Variants in NFIB observed in about 807,000 individuals in gnomAD.
The protein encoded by NFIB is nuclear factor I B.
NFIB carries 11 observed loss-of-function variants against 61.5 expected under a neutral mutation model. That is an observed-to-expected ratio of 0.18 (90% CI 0.11 to 0.30). The LOEUF (loss-of-function observed/expected upper bound fraction) is 0.30. NFIB is among the 10% of genes least tolerant of loss of function. The probability of loss-of-function intolerance (pLI) is 1.00; values close to 1 mark genes in which losing one functional copy is unlikely to be tolerated. For missense variants in NFIB, 471 were observed against 608.9 expected (o/e 0.77, Z 2.38); for synonymous variants, 260 against 216.5 (o/e 1.20, Z -1.76).
At chr9:14,178,947 G>A (rs1295162594) in intron 3 of NFIB, among the ~76,000 whole-genome samples, 1 of 151,894 alleles carries the variant, frequency 6.6e-6, no homozygotes, top group African/African-American at 2.4e-5. Flanking sequence ...GCTGGTTCGG[G>A]GTTTTTGTGT....
chr9:14,530,726 C>G, the NFIB span, among the ~76,000 whole-genome samples: 1 of 152,158 alleles, frequency 6.6e-6, no homozygotes, highest in South Asian at 2.1e-4. Flanking sequence ...TCCTTCTGTC[C>G]GGGCACAGTG....
the NFIB span, among the ~76,000 whole-genome samples, chr9:14,414,897 T>A: frequency 3.3e-4 from 51 of 152,326 alleles, 2 homozygotes; most frequent in African/African-American, 1.2e-3. Context: ...CCACACACTG[T>A]CAGATAAGCC....
At chr9:14,521,795 T>C in the NFIB span, among the ~76,000 whole-genome samples, 3 of 152,184 alleles carry the variant, frequency 2.0e-5, no homozygotes, top group Non-Finnish European at 2.9e-5. Flanking sequence ...TGCCCAGAGA[T>C]TGAGGTGCTA....
chr9:14,286,473 G>A (rs1399186826), intron 2 of NFIB, among the ~76,000 whole-genome samples: 1 of 152,144 alleles, frequency 6.6e-6, no homozygotes, highest in Non-Finnish European at 1.5e-5. Flanking sequence ...GTCATACAGA[G>A]AAAATTATAC....
chr9:14,187,027 A>ATATGTGTGTGTG (rs1491093222), intron 2 of NFIB, among the ~76,000 whole-genome samples: 56 of 61,034 alleles, frequency 9.2e-4, no homozygotes, highest in African/African-American at 2.1e-3. Flanking sequence ...GTGTGTGTGT[A>ATATGTGTGTGTG]TGTGTGTGTG....
chr9:14,503,253 T>C, the NFIB span, among the ~76,000 whole-genome samples: 1 of 152,042 alleles, frequency 6.6e-6, no homozygotes, highest in African/African-American at 2.4e-5. Context: ...TATAAACATG[T>C]GTGTGCAAGT....
chr9:14,476,169 G>GA, the NFIB span, among the ~76,000 whole-genome samples: 2 of 150,302 alleles, frequency 1.3e-5, no homozygotes, highest in African/African-American at 4.9e-5. Flanking sequence ...AGTTCAAAAG[G>GA]AAAAATATTT....
chr9:14,179,873 T>C (rs2046572023), intron 2 of NFIB, 93 bp from the exon 3 acceptor site: 7 of 1,307,320 alleles, frequency 5.4e-6, no homozygotes, highest in Non-Finnish European at 7.4e-6. Flanking sequence ...TTTGAAGGTA[T>C]AAAAATGAAG....
the NFIB span, among the ~76,000 whole-genome samples, chr9:14,521,387 G>A: frequency 3.3e-5 from 5 of 152,096 alleles, no homozygotes; most frequent in African/African-American, 9.7e-5. Flanking sequence ...TAATCATGGT[G>A]TTATGGGAAG....
intron 6 of NFIB, among the ~76,000 whole-genome samples, chr9:14,126,741 A>T (rs1384652833): frequency 1.3e-5 from 2 of 152,220 alleles, no homozygotes; most frequent in African/African-American, 4.8e-5. Flanking sequence ...GCAAAACATG[A>T]TCACAATGAC....
At chr9:14,482,536 G>GT in the NFIB span, among the ~76,000 whole-genome samples, 1 of 152,192 alleles carries the variant, frequency 6.6e-6, no homozygotes, top group Non-Finnish European at 1.5e-5. Context: ...CACATAGAAC[G>GT]TAAGTAAAGA....
At chr9:14,174,493 T>C (rs1472887871) in intron 3 of NFIB, among the ~76,000 whole-genome samples, 5 of 152,000 alleles carry the variant, frequency 3.3e-5, no homozygotes, top group African/African-American at 7.3e-5. Context: ...TGAGGCCGGG[T>C]GCGGTGGCTC....
chr9:14,216,546 CTGTGTGTGTGTGTGTGTG>C lies in NFIB; in HGVS notation c.563-36784_563-36767del, dbSNP rs372536644. Among the ~76,000 whole-genome samples, 10 of 21,514 alleles carry C rather than the reference CTGTGTGTGTGTGTGTGTG, an allele frequency of 4.6e-4. 1 individual carries two copies. Among genetic ancestry groups the C allele is most frequent in the African/African-American group, 2.5e-3 (10 of 4,060 alleles). The allele number at this position is 21,514 out of a possible 152,430, so 14.1% of individuals were successfully genotyped here. The stretch of plus-strand genomic sequence containing the variant: ...TCTCTCTCTCTCTCTCTCTCTCCCT[CTGTGTGTGTGTGTGTGTG>C]TGTGTGTGTGTGTGTGTGTGTGTGT... On this transcript the variant is annotated intron_variant, in intron 2 of 10. Coordinates refer to ENST00000380953, the MANE Select transcript of NFIB (RefSeq NM_001190737.2).
intron 4 of NFIB, among the ~76,000 whole-genome samples, 170 bp from the exon 5 acceptor site, chr9:14,150,435 C>T (rs560080228): frequency 6.6e-6 from 1 of 152,252 alleles, no homozygotes; most frequent in East Asian, 1.9e-4. Context: ...AAAACTTGCT[C>T]ACCTTAGCAA....
chr9:14,305,253 C>T (rs1171235307), intron 2 of NFIB, among the ~76,000 whole-genome samples: 2 of 152,140 alleles, frequency 1.3e-5, no homozygotes, highest in African/African-American at 4.8e-5. Context: ...ACCTCAAAAC[C>T]TAGCCTTCAA....
At chr9:14,238,851 C>T (rs917013564) in intron 2 of NFIB, among the ~76,000 whole-genome samples, 11 of 152,124 alleles carry the variant, frequency 7.2e-5, no homozygotes, top group African/African-American at 2.7e-4. Flanking sequence ...GGCTTCTCCA[C>T]CCTTCTCAAA....
At position 14,302,894 on chromosome 9, in the gene NFIB, T is replaced by C. The variant is rs1222931404; in HGVS notation, c.562+4095A>G. On this transcript the variant is annotated intron_variant, in intron 2 of 10. Coordinates refer to ENST00000380953, the MANE Select transcript of NFIB (RefSeq NM_001190737.2). ...TTCTTATTAATTAACGAGATAACGG[T>C]GGTTAACTGAAAAGCAATATTAACG... 2.0e-5 allele frequency among the ~76,000 whole-genome samples: 3 copies of C among 152,330 alleles called. No homozygotes were observed. In the East Asian group the frequency reaches 5.8e-4, roughly 29 times the overall value.
At chr9:14,355,503 T>C (rs190109588) in intron 1 of NFIB, among the ~76,000 whole-genome samples, 1 of 152,228 alleles carries the variant, frequency 6.6e-6, no homozygotes, top group Non-Finnish European at 1.5e-5. Context: ...CAGCCCATTA[T>C]GTACAGCCAT....
chr9:14,458,316 GCC>G, the NFIB span, among the ~76,000 whole-genome samples: 1 of 152,088 alleles, frequency 6.6e-6, no homozygotes, highest in Admixed American at 6.6e-5. Context: ...AAATTCAACT[GCC>G]CTTCATGCTA....
Sources: allele counts gnomAD v4.1 joint callset (sites outside exome capture counted in the v4.1 genomes callset), GRCh38; gene constraint gnomAD v4.1.1; transcripts MANE v1.5; gene names NCBI Gene and HGNC (gene_info 2026-07-23, HGNC 2026-07-21).